The following SPATC1L variants were observed in gnomAD, a reference collection of about 807,000 sequenced individuals.
The protein encoded by SPATC1L is spermatogenesis and centriole associated 1 like.
A neutral mutation model predicts 21.2 loss-of-function variants in SPATC1L; 20 were observed. The ratio of observed to expected loss-of-function variants is 0.94; its 90% CI spans 0.66 to 1.37. The LOEUF (loss-of-function observed/expected upper bound fraction) is 1.37. Among genes scored for constraint, SPATC1L ranks in the 40% most tolerant of loss-of-function variants. The pLI, the probability that SPATC1L is intolerant of heterozygous loss-of-function variation, is 0.00. For synonymous variants in SPATC1L, 290 were observed against 234.5 expected (o/e 1.24, Z -2.16); for missense variants, 499 against 478.7 (o/e 1.04, Z -0.40).
At chr21:46,181,544 G>A (rs2079674138) in intron 2 of SPATC1L, among the ~76,000 whole-genome samples, 1 of 152,208 alleles carries the variant, frequency 6.6e-6, no homozygotes, top group Admixed American at 6.5e-5. Context: ...AGTGCCTCCT[G>A]CACACTGCGC....
chr21:46,169,274 G>A (rs1223142540), intron 2 of SPATC1L, among the ~76,000 whole-genome samples: 2 of 128,964 alleles, frequency 1.6e-5, no homozygotes, highest in Non-Finnish European at 3.7e-5. Flanking sequence ...TGGATGAGGA[G>A]GAGCCCCCTG....
Position 46,182,746 on chromosome 21 carries a change from A to G in SPATC1L, c.71T>C (p.Leu24Pro). ...CCGCAGCATCTGATTCTCCTTCAGG[A>G]GGCGCACCTGCTTCTTCAGGTCCGC... ...ENADLKKQVRLLKENQMLRRL... is the reference protein window; with the variant it reads ...ENADLKKQVRPLKENQMLRRL... The change falls in exon 2 of 5, where the codon CTC becomes CCC. Residue 24 changes from leucine to proline, a missense_variant. Coordinates refer to ENST00000291672, the MANE Select transcript of SPATC1L (RefSeq NM_001142854.2). 1 of 1,547,910 alleles carries G rather than the reference A, an allele frequency of 6.5e-7. No homozygotes were observed. The highest frequency in any genetic ancestry group is 8.7e-7 in the Non-Finnish European group (1 of 1,146,594).
At chr21:46,164,794 G>GGAAAAA (rs1555886862) in intron 3 of SPATC1L, among the ~76,000 whole-genome samples, 5 of 86,470 alleles carry the variant, frequency 5.8e-5, no homozygotes, top group African/African-American at 1.5e-4. Context: ...TCCATCTCAA[G>GGAAAAA]AAAAAAAAAA....
chr21:46,177,061 A>G (rs2123649354), intron 2 of SPATC1L, among the ~76,000 whole-genome samples: 1 of 152,368 alleles, frequency 6.6e-6, no homozygotes, highest in African/African-American at 2.4e-5. Flanking sequence ...GGCTAGCCAT[A>G]TGCAGAAGAC....
chr21:46,178,118 G>C (rs1377578497), intron 2 of SPATC1L, among the ~76,000 whole-genome samples: 1 of 151,774 alleles, frequency 6.6e-6, no homozygotes, highest in Non-Finnish European at 1.5e-5. Flanking sequence ...TGTAATCCCA[G>C]CTACTTGGGA....
rs185417494 is a variant in SPATC1L at position 46,172,203 on chromosome 21, C to T, written c.194-3545G>A. On this transcript the variant is annotated intron_variant, in intron 2 of 4. Transcript: ENST00000291672. ...AGCGTGAGGCGGAGGATGCACAGAG[C>T]GTGAGGCGGGGGTTGTGCAGAGCAC... Among the ~76,000 whole-genome samples the T allele has an allele frequency of 1.3e-4, 17 of 133,240 alleles. No homozygotes were observed. The East Asian group carries it at 3.2e-3, about 25-fold the overall frequency. The allele number at this position is 133,240 out of a possible 152,430, so 87.4% of individuals were successfully genotyped here.
At chr21:46,172,128 AC>A (rs1569001263) in intron 2 of SPATC1L, among the ~76,000 whole-genome samples, 3 of 19,228 alleles carry the variant, frequency 1.6e-4, no homozygotes, top group Non-Finnish European at 4.3e-4. Flanking sequence ...CGGGGGATGC[AC>A]AGAGTGTGAG....
At chr21:46,166,762 G>A (rs1568998270) in intron 3 of SPATC1L, among the ~76,000 whole-genome samples, 1 of 152,180 alleles carries the variant, frequency 6.6e-6, no homozygotes, top group African/African-American at 2.4e-5. Context: ...CAACACTGGA[G>A]CACCCAGATA....
Position 46,161,624 on chromosome 21 carries a change from G to T in SPATC1L, c.778C>A (p.Arg260Ser), listed in dbSNP as rs569907908. The T allele has an allele frequency of 6.2e-7, 1 of 1,610,316 alleles. No homozygotes were observed. The change falls in exon 5 of 5, where the codon CGC becomes AGC. Residue 260 changes from arginine to serine, a missense_variant. Coordinates refer to ENST00000291672, the MANE Select transcript of SPATC1L (RefSeq NM_001142854.2). ...LTQRYLALSARLEKLGYSRDV... is the reference protein window; with the variant it reads ...LTQRYLALSASLEKLGYSRDV... The stretch of plus-strand genomic sequence containing the variant: ...CGGCTGTAGCCCAGCTTCTCCAGGC[G>T]CGCGCTCAGGGCCAGGTAGCGCTGC...
Position 46,161,960 on chromosome 21 carries a change from G to T in SPATC1L, c.652C>A (p.Leu218Ile). ...LAYVFPGVTR[L>I]YGFTVANIPE... ...ATGTTGGCCACCGTGAAGCCGTAGA[G>T]CCGCGTCACGCCCGGGAACACGTAG... The change falls in exon 4 of 5, where the codon CTC becomes ATC. Residue 218 changes from leucine to isoleucine, a missense_variant. Physicochemically the swap from Leu to Ile is conservative, Grantham distance 5. Coordinates refer to ENST00000291672, the MANE Select transcript of SPATC1L (RefSeq NM_001142854.2). The T allele has an allele frequency of 6.2e-7, 1 of 1,608,080 alleles. No homozygotes were observed.
Position 46,162,028 on chromosome 21 carries a change from AC to A in SPATC1L, c.583del (p.Val195TrpfsTer21). 1 of 1,593,820 alleles carries A rather than the reference AC, an allele frequency of 6.3e-7. No homozygotes were observed. The highest frequency in any genetic ancestry group is 8.5e-7 in the Non-Finnish European group (1 of 1,172,656). On this transcript the variant is annotated frameshift_variant, in exon 4 of 5. Transcript: ENST00000291672. LOFTEE classifies it high-confidence loss of function. The part of the protein sequence containing the change: ...SFAGAEKDAR[V>X]VGEIAFQLDR... ...CAGCTGGAAGGCGATCTCGCCCACC[AC>A]GCGCGCGTCCTTCTCGGCGCCCGCG...
intron 3 of SPATC1L, among the ~76,000 whole-genome samples, chr21:46,162,749 C>A (rs1284002416): frequency 6.6e-6 from 1 of 152,024 alleles, no homozygotes; most frequent in South Asian, 2.1e-4. Flanking sequence ...CCACACCCAG[C>A]CAAGTTTTTG....
Position 46,161,378 on chromosome 21 carries a change from C to CT in SPATC1L, c.1023dup. The CT allele has an allele frequency of 6.6e-7, 1 of 1,509,642 alleles. No homozygotes were observed. Among genetic ancestry groups the CT allele is most frequent in the Non-Finnish European group, 8.8e-7 (1 of 1,133,136 alleles). 93.5% of individuals were successfully genotyped at this position (1,509,642 alleles called of 1,614,324 possible). A position where few individuals can be genotyped will look rare whatever the true frequency, so the allele number is the denominator to read the frequency against. On this transcript the variant is annotated 3_prime_UTR_variant, in exon 5 of 5. Transcript: ENST00000291672. ...AGGCAAGGCGGCGGGCGCGGGGCGG[C>CT]TCACCAGGCGAAGAGGGGCTTGCCG...
At chr21:46,178,252 AAAAAC>A (rs1362493195) in intron 2 of SPATC1L, among the ~76,000 whole-genome samples, 33 of 151,352 alleles carry the variant, frequency 2.2e-4, no homozygotes, top group Non-Finnish European at 2.7e-4. Flanking sequence ...AAAAAAAAAA[AAAAAC>A]CAGAATGAGA....
intron 2 of SPATC1L, among the ~76,000 whole-genome samples, chr21:46,173,311 A>G (rs13046285): frequency 0.92 from 139,958 of 152,192 alleles, 64,554 homozygotes; most frequent in East Asian, 1. Context: ...CTTCTGTGCC[A>G]GCAGACTGTG....
intron 3 of SPATC1L, among the ~76,000 whole-genome samples, chr21:46,162,343 C>T (rs2079506056): frequency 6.6e-6 from 1 of 152,120 alleles, no homozygotes; most frequent in Non-Finnish European, 1.5e-5. Flanking sequence ...TCCCCTGTCA[C>T]GCGGGAGTCT....
chr21:46,173,355 C>T (rs1025403527), intron 2 of SPATC1L, among the ~76,000 whole-genome samples: 1 of 152,196 alleles, frequency 6.6e-6, no homozygotes, highest in African/African-American at 2.4e-5. Context: ...GAGACAGCCC[C>T]GACGGCCACA....
chr21:46,174,627 T>C (rs2079618638), intron 2 of SPATC1L, among the ~76,000 whole-genome samples: 1 of 152,116 alleles, frequency 6.6e-6, no homozygotes, highest in South Asian at 2.1e-4. Context: ...ACTAAATATA[T>C]ATGCACCCAA....
At position 46,182,893 on chromosome 21, in the gene SPATC1L, C is replaced by T. The variant is rs2079687380; in HGVS notation, c.-77G>A. 1 of 1,390,408 alleles carries T rather than the reference C, an allele frequency of 7.2e-7. No homozygotes were observed. The highest frequency in any genetic ancestry group is 1.5e-5 in the African/African-American group (1 of 68,558). The allele number at this position is 1,390,408 out of a possible 1,614,324, so 86.1% of individuals were successfully genotyped here. A position where few individuals can be genotyped will look rare whatever the true frequency, so the allele number is the denominator to read the frequency against. On this transcript the variant is annotated 5_prime_UTR_variant, in exon 2 of 5. The change creates a new upstream start codon in the 5' untranslated region. Transcript: ENST00000291672. ...GGGAGCCCAGAGCCCGCAGGCACCA[C>T]AGAAACAGCCCAGGCACGGAGTTCC...
Sources: gnomAD v4.1 joint callset for allele counts (sites outside exome capture counted in the v4.1 genomes callset) on GRCh38, gnomAD v4.1.1 for gene constraint, MANE v1.5 for transcripts, NCBI Gene and HGNC (gene_info 2026-07-23, HGNC 2026-07-21) for gene names.